OSBP: variants seen among roughly 807,000 people sequenced by gnomAD.
OSBP encodes oxysterol-binding protein 1.
Under a neutral mutation model 96.6 loss-of-function variants are expected in OSBP, and 32 were observed. The observed-to-expected ratio is 0.33, with a 90% CI of 0.25 to 0.45. OSBP has a LOEUF of 0.45. OSBP is among the 20% of genes least tolerant of loss of function. OSBP has a pLI of 1.00. For missense variants in OSBP, 653 were observed against 1,029.7 expected, an observed-to-expected ratio of 0.63 and a Z score of 5.01; for synonymous variants, 369 against 389.6, an observed-to-expected ratio of 0.95 and a Z score of 0.62.
intron 5 of OSBP, 41 bp downstream of exon 5, chr11:59,601,242 G>T: frequency 9.1e-7 from 1 of 1,104,202 alleles, no homozygotes; most frequent in South Asian, 1.2e-5. Context: ...TATTGATGGT[G>T]AAGATATGTT....
At position 59,608,613 on chromosome 11, in the gene OSBP, A is replaced by T. The variant is rs200597145; in HGVS notation, c.693T>A (p.His231Gln). Residue 231 changes from histidine to glutamine, a missense_variant, in exon 3 of 14, where the codon CAT (histidine) becomes CAA (glutamine). His to Gln is a conservative substitution (Grantham distance 24). Around this residue, in one of 6 missense-constraint regions of OSBP, gnomAD observed 308 missense variants for 573.1 expected, o/e 0.54. Transcript: ENST00000263847. ...LSTCNDLIAK[H>Q]GTALQRSLSE... is the part of the protein sequence containing the mutation. ...TGAGAGAACGCTGCAGAGCTGTGCC[A>T]TGCTTAGCTATCAAGTCATTGCACG... is the stretch of plus-strand genomic sequence containing the variant. 6.2e-7 allele frequency: 1 copy of T among 1,614,168 alleles called. No individual in the cohort carries two copies.
At position 59,575,586 on chromosome 11, in the gene OSBP, G is replaced by C. The variant is rs1430324057; in HGVS notation, c.*991C>G. 6 of 152,596 alleles carry C rather than the reference G, an allele frequency of 3.9e-5. No homozygotes were observed. Among genetic ancestry groups the C allele is most frequent in the Admixed American group, 2.0e-4 (3 of 15,268 alleles). The allele number at this position is 152,596 out of a possible 1,614,324, so 9.5% of individuals were successfully genotyped here. A position where few individuals can be genotyped will look rare whatever the true frequency, so the allele number is the denominator to read the frequency against. ...GAGGTGGCTCCAGTCCTTGGGGCTT[G>C]AGAGATGGTGAAAACTTTTGTTCCA... On this transcript the variant is annotated 3_prime_UTR_variant, in exon 14 of 14. Transcript: ENST00000263847.
rs1860830931 is a variant in OSBP at position 59,610,535 on chromosome 11, G to A, written c.417C>T (p.Ala139=). 6.2e-7 allele frequency: 1 copy of A among 1,614,182 alleles called. No homozygotes were observed. The highest frequency in any genetic ancestry group is 8.5e-7 in the Non-Finnish European group (1 of 1,180,004). Residue 139 remains alanine, a synonymous_variant, in exon 2 of 14, where the codon GCC becomes GCT. Transcript: ENST00000263847. ...TGCAGGAGTCCTCCACGGTGATGTT[G>A]GCTGTGGCGAGGTTGATGGTACCAC... ...TCRGTINLAT[A]NITVEDSCNF...
chr11:59,611,515 C>T (rs764856058), intron 1 of OSBP, among the ~76,000 whole-genome samples: 4 of 152,046 alleles, frequency 2.6e-5, no homozygotes, highest in Non-Finnish European at 4.4e-5. Context: ...AGAGTTATAT[C>T]GCAGAAGTGT....
chr11:59,597,857 C>G lies in OSBP; in HGVS notation c.1311+2639G>C, dbSNP rs115527314. On this transcript the variant is annotated intron_variant, in intron 7 of 13. Coordinates refer to ENST00000263847, the MANE Select transcript of OSBP (RefSeq NM_002556.3). Reference sequence around the variant, plus strand: ...AGTAGCTGGGGCTACAGGCTCGTGCCACCATGCCCCACTAATTTTTTCTAT... The same window carrying G: ...AGTAGCTGGGGCTACAGGCTCGTGCGACCATGCCCCACTAATTTTTTCTAT... Among the ~76,000 whole-genome samples, 949 of 152,268 alleles carry G rather than the reference C, an allele frequency of 6.2e-3. 11 individuals carry two copies. Among genetic ancestry groups the G allele is most frequent in the African/African-American group, 0.022 (905 of 41,554 alleles).
rs538644810 is a variant in OSBP, at chr11:59,597,797, C to G, written c.1311+2699G>C. The stretch of plus-strand genomic sequence containing the variant: ...CTCGACTCACTACAACCTCTGCCTC[C>G]AGGGTTCAAGCCATTCTCATGCCTC... On this transcript the variant is annotated intron_variant, in intron 7 of 13. Transcript: ENST00000263847. 1.5e-3 allele frequency among the ~76,000 whole-genome samples: 222 copies of G among 152,334 alleles called. 1 individual carries two copies. Among genetic ancestry groups the G allele is most frequent in the African/African-American group, 5.0e-3 (206 of 41,570 alleles).
chr11:59,585,360 C>T (rs1210294410), intron 9 of OSBP, among the ~76,000 whole-genome samples: 3 of 118,736 alleles, frequency 2.5e-5, no homozygotes, highest in Non-Finnish European at 5.3e-5. Flanking sequence ...CGTCTCTGCC[C>T]GGCCGCCCCG....
chr11:59,599,315 A>C (rs1011948145), intron 7 of OSBP, among the ~76,000 whole-genome samples: 1 of 152,208 alleles, frequency 6.6e-6, no homozygotes, highest in South Asian at 2.1e-4. Flanking sequence ...AATTCATCTA[A>C]TTTTCACATC....
chr11:59,589,277 T>C (rs3019737), intron 9 of OSBP, among the ~76,000 whole-genome samples: 1 of 148,132 alleles, frequency 6.8e-6, no homozygotes, highest in Non-Finnish European at 1.5e-5. Context: ...CATGAGCCAC[T>C]GCATCTGTGC....
intron 7 of OSBP, among the ~76,000 whole-genome samples, chr11:59,598,865 C>T (rs1331177072): frequency 2.0e-5 from 3 of 152,344 alleles, no homozygotes; most frequent in Admixed American, 2.0e-4. Flanking sequence ...GCTGGGATTA[C>T]ACGCATGAGC....
rs1299862030 is a variant in OSBP, at chr11:59,578,396, C to T, written c.1879-66G>A. ...CTGTGAATTAGCTTACCTGACTATA[C>T]TGGAAGTCCTAGGATAAATAATGGT... is the stretch of plus-strand genomic sequence containing the variant. On this transcript the variant is annotated intron_variant, in intron 11 of 13. Coordinates refer to ENST00000263847, the MANE Select transcript of OSBP (RefSeq NM_002556.3). 3.4e-6 allele frequency: 5 copies of T among 1,468,414 alleles called. No homozygotes were observed. In the South Asian group the frequency reaches 3.6e-5, roughly 11 times the overall value. The allele number at this position is 1,468,414 out of a possible 1,614,324, so 91.0% of individuals were successfully genotyped here.
chr11:59,610,526 G>C lies in OSBP; in HGVS notation c.426C>G (p.Thr142=), dbSNP rs751954602. Residue 142 remains threonine, a synonymous_variant, in exon 2 of 14, where the codon ACC becomes ACG. Transcript: ENST00000263847. ...TGATGAAGTTGCAGGAGTCCTCCACGGTGATGTTGGCTGTGGCGAGGTTGA... is the reference window on the plus strand; with the variant it reads ...TGATGAAGTTGCAGGAGTCCTCCACCGTGATGTTGGCTGTGGCGAGGTTGA... The part of the protein sequence containing the change: ...GTINLATANI[T]VEDSCNFIIS... 1.9e-6 allele frequency: 3 copies of C among 1,614,124 alleles called. No homozygotes were observed. Among genetic ancestry groups the C allele is most frequent in the Non-Finnish European group, 2.5e-6 (3 of 1,179,966 alleles).
chr11:59,589,175 T>TG (rs1860543601), intron 9 of OSBP, among the ~76,000 whole-genome samples: 1 of 146,574 alleles, frequency 6.8e-6, no homozygotes, highest in African/African-American at 2.5e-5. Context: ...TTTGTAGAGA[T>TG]GGGGGTCTCC....
chr11:59,606,898 G>A (rs567792904), intron 3 of OSBP, among the ~76,000 whole-genome samples: 1 of 152,298 alleles, frequency 6.6e-6, no homozygotes, highest in East Asian at 1.9e-4. Context: ...CACAGGCAGT[G>A]CAGCAAGAGA....
chr11:59,576,493 G>C lies in OSBP; in HGVS notation c.*84C>G. 6.9e-7 allele frequency: 1 copy of C among 1,448,106 alleles called. No homozygotes were observed. The highest frequency in any genetic ancestry group is 9.4e-7 in the Non-Finnish European group (1 of 1,064,564). 89.7% of individuals were successfully genotyped at this position (1,448,106 alleles called of 1,614,324 possible). A position where few individuals can be genotyped will look rare whatever the true frequency, so the allele number is the denominator to read the frequency against. On this transcript the variant is annotated 3_prime_UTR_variant, in exon 14 of 14. Coordinates refer to ENST00000263847, the MANE Select transcript of OSBP (RefSeq NM_002556.3). ...GAGACAAACTTGAGGAAAGCACTTGGTAAGAGAGTCACAACTTCCAGCTTT... is the reference window on the plus strand; with the variant it reads ...GAGACAAACTTGAGGAAAGCACTTGCTAAGAGAGTCACAACTTCCAGCTTT...
chr11:59,596,525 G>T lies in OSBP; in HGVS notation c.1312-2270C>A, dbSNP rs190527840. 7.4e-4 allele frequency among the ~76,000 whole-genome samples: 112 copies of T among 151,984 alleles called. 2 individuals carry two copies. The highest frequency in any genetic ancestry group is 4.7e-4 in the Non-Finnish European group (32 of 67,982). On this transcript the variant is annotated intron_variant, in intron 7 of 13. Coordinates refer to ENST00000263847, the MANE Select transcript of OSBP (RefSeq NM_002556.3). ...AAAAGCCAAACAGGGAAAGAAATGA[G>T]TCTGAGTATTTAAAGTAGAAGGAAG...
In OSBP at chr11:59,600,807, T is replaced by C. The variant is rs751203672; in HGVS notation, c.1179+12A>G. On this transcript the variant is annotated intron_variant, in intron 6 of 13. Coordinates refer to ENST00000263847, the MANE Select transcript of OSBP (RefSeq NM_002556.3). ...CGTCCCTCACCTCTGAGATCTCCCA[T>C]ATAAGAATTACCTGTTCATCAAGGC... is the stretch of plus-strand genomic sequence containing the variant. The C allele has an allele frequency of 6.2e-7, 1 of 1,608,558 alleles. No homozygotes were observed. The highest frequency in any genetic ancestry group is 1.1e-5 in the South Asian group (1 of 90,948).
Position 59,610,432 on chromosome 11 carries a change from T to C in OSBP, c.520A>G (p.Thr174Ala). 6.2e-7 allele frequency: 1 copy of C among 1,613,926 alleles called. No homozygotes were observed. The highest frequency in any genetic ancestry group is 8.5e-7 in the Non-Finnish European group (1 of 1,180,034). Residue 174 changes from threonine to alanine, a missense_variant, in exon 2 of 14, where the codon ACG becomes GCG. Coordinates refer to ENST00000263847, the MANE Select transcript of OSBP (RefSeq NM_002556.3). ...TTGGCCTTGGCCAGTTCCAGGGCCG[T>C]CACCCAGCGCTGCCGCTCAACTTCT... Reference protein sequence around the residue: ...SSEVERQRWVTALELAKAKAV... With the variant: ...SSEVERQRWVAALELAKAKAV...
chr11:59,586,031 G>A (rs909110245), intron 9 of OSBP, among the ~76,000 whole-genome samples: 36 of 152,224 alleles, frequency 2.4e-4, no homozygotes, highest in Non-Finnish European at 4.4e-4. Context: ...AAACACTGTG[G>A]AAGGCCGCGG....
Sources: gnomAD v4.1 joint callset for allele counts (sites outside exome capture counted in the v4.1 genomes callset) on GRCh38, gnomAD v4.1.1 for gene constraint, gnomAD v4.1.1 regional missense constraint, MANE v1.5 for transcripts, NCBI Gene and HGNC (gene_info 2026-07-23, HGNC 2026-07-21) for gene names.